Variants in MRTFB observed in about 807,000 individuals in gnomAD.
The protein encoded by MRTFB is myocardin-related transcription factor B.
In MRTFB, 29 loss-of-function variants were observed where a neutral mutation model predicts 104.2. The ratio of observed to expected loss-of-function variants is 0.28; its 90% CI spans 0.21 to 0.38. The LOEUF is 0.38. Among genes scored for constraint, MRTFB ranks in the 10% least tolerant of loss-of-function variants. The pLI, the probability that MRTFB is intolerant of heterozygous loss-of-function variation, is 1.00. For synonymous variants in MRTFB, 535 were observed against 519.5 expected, an observed-to-expected ratio of 1.03 and a Z score of -0.41; for missense variants, 1,270 against 1,341.6, an observed-to-expected ratio of 0.95 and a Z score of 0.83.
At position 14,247,259 on chromosome 16, in the gene MRTFB, A is replaced by G. The variant is rs763515280; in HGVS notation, c.1999A>G (p.Thr667Ala). The G allele has an allele frequency of 1.2e-6, 2 of 1,614,086 alleles. No homozygotes were observed. The highest frequency in any genetic ancestry group is 1.7e-6 in the Non-Finnish European group (2 of 1,180,048). ...CCACGCTGTAGGCCAGCCCGTCTCT[A>G]CAGGTGGCCAGACCCTTGTTGCCAA... is the stretch of plus-strand genomic sequence containing the variant. ...ASHAVGQPVS[T>A]GGQTLVAKKA... The change falls in exon 12 of 17, where the codon ACA becomes GCA. Residue 667 changes from threonine (T) to alanine (A), a missense_variant. By Grantham distance (58) the Thr-to-Ala change is moderately conservative. Transcript: ENST00000571589.
chr16:14,160,111 C>G (rs2038977691), intron 3 of MRTFB, among the ~76,000 whole-genome samples: 1 of 152,074 alleles, frequency 6.6e-6, no homozygotes, highest in African/African-American at 2.4e-5. Context: ...ATTCATATAT[C>G]CCCACTTTCC....
the MRTFB span, among the ~76,000 whole-genome samples, chr16:14,066,039 T>C: frequency 6.6e-6 from 1 of 152,182 alleles, no homozygotes; most frequent in African/African-American, 2.4e-5. Flanking sequence ...CTCTAGACCA[T>C]AAATGCCATG....
intron 2 of MRTFB, among the ~76,000 whole-genome samples, chr16:14,105,483 A>G (rs1212462246): frequency 1.3e-5 from 2 of 151,758 alleles, no homozygotes; most frequent in East Asian, 3.9e-4. Context: ...CTGCAGCCTT[A>G]AACTCCTGTG....
intron 3 of MRTFB, among the ~76,000 whole-genome samples, chr16:14,179,062 A>C (rs192921090): frequency 6.6e-6 from 1 of 152,334 alleles, no homozygotes; most frequent in East Asian, 1.9e-4. Context: ...ATTTTTGTTA[A>C]TATGACATTG....
At chr16:14,016,705 G>A in the MRTFB span, among the ~76,000 whole-genome samples, 2,421 of 146,600 alleles carry the variant, frequency 0.017, 58 homozygotes, top group African/African-American at 0.059. Context: ...CCCAGGAGGC[G>A]GAGGTTGCGG....
At chr16:14,068,963 C>CTTTTTTT (rs989515330), upstream of MRTFB, among the ~76,000 whole-genome samples, 69 of 100,172 alleles carry the variant, frequency 6.9e-4, 8 homozygotes, top group African/African-American at 3.1e-3. Context: ...GATTCTCCAG[C>CTTTTTTT]TTTTTTTTTT....
intron 9 of MRTFB, among the ~76,000 whole-genome samples, chr16:14,239,204 C>T (rs1265522762): frequency 6.6e-6 from 1 of 152,152 alleles, no homozygotes; most frequent in Admixed American, 6.5e-5. Context: ...AGGCACATTT[C>T]TAATAAGCAT....
At chr16:14,203,099 C>T (rs1367998768) in intron 3 of MRTFB, among the ~76,000 whole-genome samples, 1 of 152,074 alleles carries the variant, frequency 6.6e-6, no homozygotes. Context: ...CTTTAGTTTT[C>T]CATCTTCAGA....
chr16:14,093,159 G>A (rs910590955), intron 2 of MRTFB, among the ~76,000 whole-genome samples: 2 of 151,786 alleles, frequency 1.3e-5, no homozygotes, highest in African/African-American at 4.8e-5. Flanking sequence ...TGGTAGCTTG[G>A]ATATGCTATA....
chr16:14,150,024 C>G (rs1441608894), intron 3 of MRTFB, among the ~76,000 whole-genome samples: 1 of 152,168 alleles, frequency 6.6e-6, no homozygotes, highest in Non-Finnish European at 1.5e-5. Flanking sequence ...TACGGCACAT[C>G]TTAGGCTCTC....
chr16:14,155,311 T>G (rs2038788199), intron 3 of MRTFB, among the ~76,000 whole-genome samples: 1 of 152,176 alleles, frequency 6.6e-6, no homozygotes, highest in South Asian at 2.1e-4. Flanking sequence ...AAGTTTTATT[T>G]TGTTCTTTTT....
chr16:14,045,363 C>T, the MRTFB span, among the ~76,000 whole-genome samples: 4 of 152,292 alleles, frequency 2.6e-5, no homozygotes, highest in East Asian at 1.9e-4. Context: ...CACAGCTGAC[C>T]GCTTCTTGCC....
At chr16:14,095,956 CAG>C (rs774971814) in intron 2 of MRTFB, among the ~76,000 whole-genome samples, 14 of 152,098 alleles carry the variant, frequency 9.2e-5, no homozygotes, top group Admixed American at 2.6e-4. Context: ...GAACATGTGA[CAG>C]GGAATCATGT....
the MRTFB span, chr16:14,020,846 C>A: frequency 6.6e-6 from 1 of 152,304 alleles, no homozygotes; most frequent in Non-Finnish European, 1.5e-5. Flanking sequence ...CTTCTGGACT[C>A]TGCACCAAAA....
At chr16:13,998,170 G>A in the MRTFB span, among the ~76,000 whole-genome samples, 6 of 152,182 alleles carry the variant, frequency 3.9e-5, no homozygotes, top group Admixed American at 6.5e-5. Context: ...GGGGTGAGTC[G>A]TAGGCAGGCC....
At chr16:14,104,495 C>G (rs2035869339) in intron 2 of MRTFB, among the ~76,000 whole-genome samples, 1 of 152,168 alleles carries the variant, frequency 6.6e-6, no homozygotes, top group Non-Finnish European at 1.5e-5. Context: ...TTCTGTGAGT[C>G]TCTTCCTGTA....
chr16:14,033,046 A>G, the MRTFB span, among the ~76,000 whole-genome samples: 3 of 151,952 alleles, frequency 2.0e-5, no homozygotes, highest in African/African-American at 4.8e-5. Flanking sequence ...TGCAAAAATC[A>G]GAGAAGGTTA....
chr16:14,198,425 A>G (rs2040533772), intron 3 of MRTFB, among the ~76,000 whole-genome samples: 1 of 152,262 alleles, frequency 6.6e-6, no homozygotes, highest in Admixed American at 6.5e-5. Flanking sequence ...GACTTTAGAA[A>G]GAACTGCTAA....
At chr16:14,018,765 T>A in the MRTFB span, 7 of 152,028 alleles carry the variant, frequency 4.6e-5, no homozygotes, top group Non-Finnish European at 2.9e-5. Context: ...GGCCAATAAA[T>A]CATTCTTGTA....
Sources: gnomAD v4.1 joint callset for allele counts (sites outside exome capture counted in the v4.1 genomes callset) on GRCh38, gnomAD v4.1.1 for gene constraint, MANE v1.5 for transcripts, NCBI Gene and HGNC (gene_info 2026-07-23, HGNC 2026-07-21) for gene names.